The following ADCY8 variants were observed in gnomAD, a reference collection of about 807,000 sequenced individuals.
ADCY8 encodes adenylate cyclase 8.
Under a neutral mutation model 119.7 loss-of-function variants are expected in ADCY8, and 51 were observed. The ratio of observed to expected loss-of-function variants is 0.43; its 90% CI spans 0.34 to 0.54. ADCY8 has a LOEUF of 0.54. Ranked by LOEUF, ADCY8 falls within the 20% of genes least tolerant of loss-of-function variation. The probability of loss-of-function intolerance (pLI) is 0.03; values close to 1 mark genes in which losing one functional copy is unlikely to be tolerated. For missense variants in ADCY8, 1,383 were observed against 1,598.8 expected, an observed-to-expected ratio of 0.87 and a Z score of 2.30; for synonymous variants, 665 against 651.0, an observed-to-expected ratio of 1.02 and a Z score of -0.33.
At chr8:130,939,128 A>G (rs187757586) in intron 4 of ADCY8, among the ~76,000 whole-genome samples, 30 of 151,838 alleles carry the variant, frequency 2.0e-4, no homozygotes, top group African/African-American at 6.8e-4. Context: ...TGAACAATCC[A>G]TCAACAAACA....
At chr8:130,879,476 C>A (rs1818689611) in intron 8 of ADCY8, among the ~76,000 whole-genome samples, 2 of 152,100 alleles carry the variant, frequency 1.3e-5, no homozygotes, top group South Asian at 4.2e-4. Context: ...GCAGGTGCTG[C>A]TTTTTACTTC....
chr8:130,933,309 G>A (rs890115671), intron 5 of ADCY8, among the ~76,000 whole-genome samples: 2 of 152,180 alleles, frequency 1.3e-5, no homozygotes, highest in Admixed American at 6.5e-5. Flanking sequence ...CAACTTTGCA[G>A]CTGAATAAAA....
chr8:130,854,812 TCC>T (rs758504299), intron 9 of ADCY8, among the ~76,000 whole-genome samples: 216 of 35,640 alleles, frequency 6.1e-3, no homozygotes, highest in Admixed American at 0.012. Flanking sequence ...CGTCCCTCCC[TCC>T]CTCCCTCCCT....
intron 1 of ADCY8, among the ~76,000 whole-genome samples, chr8:130,998,626 G>A (rs4504612): frequency 0.04 from 6,060 of 152,274 alleles, 164 homozygotes; most frequent in Middle Eastern, 0.071. Context: ...GGGCGACTGG[G>A]AAGAAAACAG....
intron 5 of ADCY8, among the ~76,000 whole-genome samples, chr8:130,930,311 G>A (rs1189570469): frequency 1.3e-5 from 2 of 151,532 alleles, no homozygotes; most frequent in Non-Finnish European, 2.9e-5. Context: ...GAGTGCAGTG[G>A]CACAATCTCA....
intron 5 of ADCY8, among the ~76,000 whole-genome samples, chr8:130,921,714 A>G (rs991016820): frequency 1.3e-5 from 2 of 152,060 alleles, no homozygotes; most frequent in Non-Finnish European, 2.9e-5. Context: ...TGGCCTCCCA[A>G]AGTGCTGGGA....
intron 14 of ADCY8, among the ~76,000 whole-genome samples, chr8:130,813,838 A>C (rs1281411879): frequency 6.6e-6 from 1 of 152,172 alleles, no homozygotes; most frequent in African/African-American, 2.4e-5. Context: ...TGCACATACA[A>C]CTTTAAAATT....
intron 5 of ADCY8, among the ~76,000 whole-genome samples, chr8:130,932,357 G>T (rs1820654609): frequency 6.6e-6 from 1 of 152,158 alleles, no homozygotes; most frequent in African/African-American, 2.4e-5. Flanking sequence ...TGCCATCGGG[G>T]CGTGTGTAGA....
intron 2 of ADCY8, among the ~76,000 whole-genome samples, chr8:130,959,800 T>C (rs925617098): frequency 2.0e-5 from 3 of 152,164 alleles, no homozygotes; most frequent in Admixed American, 2.0e-4. Context: ...CACAGCATGT[T>C]TGAGAAACCA....
intron 11 of ADCY8, among the ~76,000 whole-genome samples, chr8:130,840,416 A>T (rs555167756): frequency 1.0e-5 from 1 of 97,644 alleles, no homozygotes; most frequent in African/African-American, 2.7e-5. Context: ...TTGATTAGGC[A>T]TTTTTGGGGA....
At chr8:130,878,659 T>A (rs1354593150) in intron 8 of ADCY8, among the ~76,000 whole-genome samples, 1 of 152,186 alleles carries the variant, frequency 6.6e-6, no homozygotes, top group Non-Finnish European at 1.5e-5. Context: ...GGCAGAGTGA[T>A]GGGATGGTAC....
At chr8:130,868,642 C>G (rs1181334414) in intron 8 of ADCY8, among the ~76,000 whole-genome samples, 1 of 152,182 alleles carries the variant, frequency 6.6e-6, no homozygotes, top group Non-Finnish European at 1.5e-5. Context: ...CTTGAACTAT[C>G]TTGGAGTTAC....
rs900005032 is a variant in ADCY8 at position 131,017,737 on chromosome 8, T to C, written c.960+21637A>G. Among the ~76,000 whole-genome samples the C allele has an allele frequency of 2.0e-5, 3 of 152,038 alleles. No homozygotes were observed. In the South Asian group the frequency reaches 6.2e-4, roughly 32 times the overall value. The stretch of plus-strand genomic sequence containing the variant: ...CTACTAGCAATCACTGCATCTTTGG[T>C]TTACTGGTCACAGCATGTTAACATT... On this transcript the variant is annotated intron_variant, in intron 1 of 17. Coordinates refer to ENST00000286355, the MANE Select transcript of ADCY8 (RefSeq NM_001115.3).
chr8:130,853,577 G>GT lies in ADCY8; in HGVS notation c.2211-3775dup, dbSNP rs5742176. Among the ~76,000 whole-genome samples the GT allele has an allele frequency of 1.7e-3, 255 of 147,622 alleles. 1 individual carries two copies. The highest frequency in any genetic ancestry group is 3.2e-3 in the East Asian group (16 of 5,022). The stretch of plus-strand genomic sequence containing the variant: ...TTGTTTGGAAATTTGTAAAATTGAT[G>GT]TTTTTTTTTTTTTTTTTTCTCATTT... On this transcript the variant is annotated intron_variant, in intron 9 of 17. Transcript: ENST00000286355.
intron 14 of ADCY8, among the ~76,000 whole-genome samples, chr8:130,813,402 C>T (rs1177135079): frequency 6.6e-6 from 1 of 152,186 alleles, no homozygotes; most frequent in East Asian, 1.9e-4. Context: ...CCCCTCCCTC[C>T]AGCCCTTGGC....
At chr8:130,907,637 C>T (rs1294738857) in intron 6 of ADCY8, among the ~76,000 whole-genome samples, 2 of 152,202 alleles carry the variant, frequency 1.3e-5, no homozygotes, top group Admixed American at 6.5e-5. Context: ...AGTAAACCCA[C>T]GGTTCAGACT....
intron 13 of ADCY8, among the ~76,000 whole-genome samples, chr8:130,820,872 A>G (rs955965536): frequency 2.6e-5 from 4 of 152,238 alleles, no homozygotes; most frequent in Non-Finnish European, 5.9e-5. Context: ...AGACAGCCCT[A>G]TTTAGGTATT....
chr8:131,006,770 A>ATGG (rs1823133046), intron 1 of ADCY8, among the ~76,000 whole-genome samples: 1 of 152,164 alleles, frequency 6.6e-6, no homozygotes, highest in Non-Finnish European at 1.5e-5. Context: ...TTAGATCTCC[A>ATGG]TGAGAAATGT....
intron 5 of ADCY8, among the ~76,000 whole-genome samples, chr8:130,934,883 T>C (rs1563735049): frequency 6.6e-6 from 1 of 152,174 alleles, no homozygotes; most frequent in African/African-American, 2.4e-5. Flanking sequence ...CACAGAAAAG[T>C]ACCATAAATT....
Sources: allele counts gnomAD v4.1 joint callset (sites outside exome capture counted in the v4.1 genomes callset), GRCh38; gene constraint gnomAD v4.1.1; transcripts MANE v1.5; gene names NCBI Gene and HGNC (gene_info 2026-07-23, HGNC 2026-07-21).